Variants in MYBL2 observed in about 807,000 individuals in gnomAD.
MYBL2 encodes the protein myb-related protein B.
MYBL2 carries 28 observed loss-of-function variants against 79.9 expected under a neutral mutation model. That is an observed-to-expected ratio of 0.35 (90% CI 0.26 to 0.48). MYBL2 has a LOEUF of 0.48. Ranked by LOEUF, MYBL2 falls within the 20% of genes least tolerant of loss-of-function variation. The pLI, the probability that MYBL2 is intolerant of heterozygous loss-of-function variation, is 0.99. For missense variants in MYBL2, 735 were observed against 893.9 expected, an observed-to-expected ratio of 0.82 and a Z score of 2.27; for synonymous variants, 378 against 361.2, an observed-to-expected ratio of 1.05 and a Z score of -0.53.
chr20:43,690,362 C>A (rs557535510), intron 5 of MYBL2, among the ~76,000 whole-genome samples: 1 of 152,110 alleles, frequency 6.6e-6, no homozygotes, highest in Non-Finnish European at 1.5e-5. Flanking sequence ...TGCACCACCA[C>A]GCCTGGCTAA....
At chr20:43,699,102 G>A (rs189086828) in intron 6 of MYBL2, among the ~76,000 whole-genome samples, 85 of 152,106 alleles carry the variant, frequency 5.6e-4, no homozygotes, top group Non-Finnish European at 1.1e-3. Context: ...GCAATGGTGC[G>A]ATCTCAGCTC....
intron 2 of MYBL2, among the ~76,000 whole-genome samples, chr20:43,681,497 G>A (rs1987141892): frequency 6.6e-6 from 1 of 152,118 alleles, no homozygotes. Context: ...GTCCCTTAGT[G>A]TCCCTGAGTA....
intron 1 of MYBL2, among the ~76,000 whole-genome samples, chr20:43,668,013 C>A (rs1986762407): frequency 6.6e-6 from 1 of 151,862 alleles, no homozygotes; most frequent in East Asian, 1.9e-4. Flanking sequence ...TACTTATTTC[C>A]CCAGAGACTT....
intron 9 of MYBL2, among the ~76,000 whole-genome samples, chr20:43,706,151 G>A (rs1286547970): frequency 1.3e-5 from 2 of 152,192 alleles, no homozygotes; most frequent in East Asian, 3.8e-4. Flanking sequence ...TTCTGTCTCA[G>A]GAATGGAGAG....
rs1986730749 is a variant in MYBL2 at position 43,667,138 on chromosome 20, G to C, written c.-146G>C. 4 of 346,738 alleles carry C rather than the reference G, an allele frequency of 1.2e-5. No homozygotes were observed. Among genetic ancestry groups the C allele is most frequent in the African/African-American group, 4.4e-5 (2 of 45,896 alleles). The allele number at this position is 346,738 out of a possible 1,614,324, so 21.5% of individuals were successfully genotyped here. On this transcript the variant is annotated 5_prime_UTR_variant, in exon 1 of 14. Transcript: ENST00000217026. ...CGACTGCAGTTCCTGCGAGCGAGGAGCGCGGGACCTGCTGACACGCTGACG... is the reference window on the plus strand; with the variant it reads ...CGACTGCAGTTCCTGCGAGCGAGGACCGCGGGACCTGCTGACACGCTGACG...
chr20:43,686,995 G>C lies in MYBL2; in HGVS notation c.423G>C (p.Glu141Asp), dbSNP rs1251816257. ...PEVKKSCWTE[E>D]EDRIICEAHK... ...TGAAGAAGTCTTGCTGGACCGAGGA[G>C]GAGGACCGCATCATCTGCGAGGCCC... The change falls in exon 5 of 14, where the codon GAG (glutamate) becomes GAC (aspartate). Residue 141 changes from glutamate (E) to aspartate (D), a missense_variant. Around this residue, in one of 5 missense-constraint regions of MYBL2, gnomAD observed 65 missense variants for 145.2 expected, o/e 0.45. Coordinates refer to ENST00000217026, the MANE Select transcript of MYBL2 (RefSeq NM_002466.4). 2.5e-6 allele frequency: 4 copies of C among 1,614,158 alleles called. No homozygotes were observed. Among genetic ancestry groups the C allele is most frequent in the South Asian group, 2.2e-5 (2 of 91,068 alleles).
At position 43,716,104 on chromosome 20, in the gene MYBL2, C is replaced by G; in HGVS notation, c.*17C>G. On this transcript the variant is annotated 3_prime_UTR_variant, in exon 14 of 14. Coordinates refer to ENST00000217026, the MANE Select transcript of MYBL2 (RefSeq NM_002466.4). Reference sequence around the variant, plus strand: ...TTGTCCTGAGGTGTTGAGGGTGTCACGAGCCCATTCTCATGTTTACAGGGG... The same window carrying G: ...TTGTCCTGAGGTGTTGAGGGTGTCAGGAGCCCATTCTCATGTTTACAGGGG... 6.2e-7 allele frequency: 1 copy of G among 1,602,970 alleles called. No homozygotes were observed.
chr20:43,697,771 C>T (rs573913034), intron 6 of MYBL2, among the ~76,000 whole-genome samples: 13 of 151,732 alleles, frequency 8.6e-5, no homozygotes, highest in East Asian at 1.9e-4. Context: ...AAAAATTAAC[C>T]GGTCATGGTG....
chr20:43,669,119 G>T (rs549883617), intron 1 of MYBL2, among the ~76,000 whole-genome samples: 17 of 152,326 alleles, frequency 1.1e-4, no homozygotes, highest in East Asian at 3.9e-4. Flanking sequence ...GATTACAGGC[G>T]TGAGCCACCG....
In MYBL2 at chr20:43,716,047, T is replaced by C; in HGVS notation, c.2063T>C (p.Leu688Pro). The C allele has an allele frequency of 6.2e-7, 1 of 1,610,756 alleles. No individual in the cohort carries two copies. Residue 688 changes from leucine to proline, a missense_variant, in exon 14 of 14, where the codon CTG (leucine) becomes CCG (proline). By Grantham distance (98) the Leu-to-Pro change is moderately conservative. This residue lies in a region of MYBL2 where 204 missense variants were observed against 202.9 expected (regional missense o/e 1.01). Coordinates refer to ENST00000217026, the MANE Select transcript of MYBL2 (RefSeq NM_002466.4). ...QEKARQLLGR[L>P]KPSHTSRTLI... ...AAAGCCCGGCAGCTCCTGGGCCGCC[T>C]GAAGCCCAGCCACACATCTCGGACC...
Position 43,716,027 on chromosome 20 carries a change from C to T in MYBL2, c.2043C>T (p.Ala681=), listed in dbSNP as rs772317100. Residue 681 remains alanine (A), a synonymous_variant, in exon 14 of 14, where the codon GCC becomes GCT. Coordinates refer to ENST00000217026, the MANE Select transcript of MYBL2 (RefSeq NM_002466.4). Reference sequence around the variant, plus strand: ...ACCAGCTTTTCATGCAGGAGAAAGCCCGGCAGCTCCTGGGCCGCCTGAAGC... The same window carrying T: ...ACCAGCTTTTCATGCAGGAGAAAGCTCGGCAGCTCCTGGGCCGCCTGAAGC... ...TRDQLFMQEK[A]RQLLGRLKPS... is the part of the protein sequence containing the mutation. The T allele has an allele frequency of 2.5e-6, 4 of 1,611,762 alleles. No homozygotes were observed. The East Asian group carries it at 8.9e-5, about 36-fold the overall frequency.
In MYBL2 at chr20:43,691,553, T is replaced by G. The variant is rs535609816; in HGVS notation, c.501-604T>G. On this transcript the variant is annotated intron_variant, in intron 5 of 13. Transcript: ENST00000217026. Reference sequence around the variant, plus strand: ...TGGTCTTATATATACATTTTTTTTTTTTTTGAGGTGGAATTTTACTTTTGT... The same window carrying G: ...TGGTCTTATATATACATTTTTTTTTGTTTTGAGGTGGAATTTTACTTTTGT... 2.1e-3 allele frequency among the ~76,000 whole-genome samples: 312 copies of G among 151,250 alleles called. 1 individual carries two copies. The highest frequency in any genetic ancestry group is 7.0e-3 in the African/African-American group (287 of 41,232).
chr20:43,699,649 G>A, intron 6 of MYBL2, 108 bp from the exon 7 acceptor site: 6 of 1,152,616 alleles, frequency 5.2e-6, no homozygotes, highest in Non-Finnish European at 7.4e-6. Context: ...TCTCTATTTG[G>A]GTTCATCACA....
intron 5 of MYBL2, among the ~76,000 whole-genome samples, chr20:43,690,864 G>A (rs958403664): frequency 2.0e-5 from 3 of 152,248 alleles, no homozygotes; most frequent in South Asian, 2.1e-4. Context: ...GATTACAGGC[G>A]TGAGCCACCG....
chr20:43,681,402 G>A (rs1211406431), intron 2 of MYBL2, among the ~76,000 whole-genome samples: 1 of 152,172 alleles, frequency 6.6e-6, no homozygotes, highest in Non-Finnish European at 1.5e-5. Context: ...GCTGCGAATG[G>A]TCTGGCCCCT....
At chr20:43,687,463 C>T (rs1204895514) in intron 5 of MYBL2, among the ~76,000 whole-genome samples, 1 of 152,164 alleles carries the variant, frequency 6.6e-6, no homozygotes, top group African/African-American at 2.4e-5. Context: ...GATCAAAAAT[C>T]AGGTAGTACT....
chr20:43,695,129 G>A (rs1034099743), intron 6 of MYBL2, among the ~76,000 whole-genome samples: 2 of 151,530 alleles, frequency 1.3e-5, no homozygotes, highest in African/African-American at 2.4e-5. Context: ...CACCTCCCAA[G>A]TTCAAGTGGT....
intron 1 of MYBL2, 112 bp from the exon 2 acceptor site, chr20:43,673,694 C>G (rs779589268): frequency 1.0e-6 from 1 of 952,990 alleles, no homozygotes; most frequent in Non-Finnish European, 1.7e-6. Context: ...AAAGTAAGAG[C>G]CTCTCTCCCC....
At chr20:43,695,977 T>G (rs190901914) in intron 6 of MYBL2, among the ~76,000 whole-genome samples, 1 of 151,920 alleles carries the variant, frequency 6.6e-6, no homozygotes. Flanking sequence ...GAGTTCGCAC[T>G]GCTGCACTCC....
Sources: allele counts gnomAD v4.1 joint callset (sites outside exome capture counted in the v4.1 genomes callset), GRCh38; gene constraint gnomAD v4.1.1; regional missense constraint gnomAD v4.1.1; transcripts MANE v1.5; gene names NCBI Gene and HGNC (gene_info 2026-07-23, HGNC 2026-07-21).